Variants in KANSL1 observed in about 807,000 individuals in gnomAD.
KANSL1 encodes MLL1/MLL complex subunit KANSL1.
A neutral mutation model predicts 103.6 loss-of-function variants in KANSL1; 22 were observed. The observed-to-expected ratio is 0.21, with a 90% confidence interval of 0.15 to 0.30. The LOEUF is 0.30. Ranked by LOEUF, KANSL1 falls within the 10% of genes least tolerant of loss-of-function variation. The probability of loss-of-function intolerance (pLI) is 1.00; values close to 1 mark genes in which losing one functional copy is unlikely to be tolerated. For missense variants in KANSL1, 1,337 were observed against 1,399.8 expected (o/e 0.96, Z 0.72); for synonymous variants, 600 against 527.6 (o/e 1.14, Z -1.88).
At chr17:46,199,025 G>C (rs1307904070) in intron 1 of KANSL1, among the ~76,000 whole-genome samples, 1 of 152,114 alleles carries the variant, frequency 6.6e-6, no homozygotes, top group Non-Finnish European at 1.5e-5. Context: ...TGAAACTGAG[G>C]CATGTTCTCA....
intron 2 of KANSL1, among the ~76,000 whole-genome samples, chr17:46,159,920 C>T (rs550769002): frequency 3.9e-5 from 6 of 152,230 alleles, no homozygotes; most frequent in Non-Finnish European, 8.8e-5. Context: ...TGTCCACCCA[C>T]GTACTGTGTG....
At chr17:46,165,535 C>A (rs2147668519) in intron 2 of KANSL1, among the ~76,000 whole-genome samples, 1 of 145,124 alleles carries the variant, frequency 6.9e-6, no homozygotes, top group Non-Finnish European at 1.5e-5. Flanking sequence ...TTTTGAGACA[C>A]AGTTTCACTC....
intron 3 of KANSL1, among the ~76,000 whole-genome samples, chr17:46,090,601 G>C (rs2079345507): frequency 6.6e-6 from 1 of 152,194 alleles, no homozygotes; most frequent in Non-Finnish European, 1.5e-5. Context: ...TGGTAGCAAA[G>C]CCACGATTAG....
intron 7 of KANSL1, chr17:46,046,008 T>G (rs1283629171): frequency 1.3e-5 from 2 of 152,200 alleles, no homozygotes; most frequent in Non-Finnish European, 2.9e-5. Context: ...CAAACATTCC[T>G]AAGTCTTCCT....
chr17:46,064,410 G>A (rs1004866377), intron 6 of KANSL1, among the ~76,000 whole-genome samples: 1 of 152,068 alleles, frequency 6.6e-6, no homozygotes, highest in Non-Finnish European at 1.5e-5. Context: ...CTCTTTTACA[G>A]CAACATTCTT....
chr17:46,081,652 A>G (rs1470477492), intron 4 of KANSL1, among the ~76,000 whole-genome samples: 2 of 152,238 alleles, frequency 1.3e-5, no homozygotes, highest in East Asian at 3.8e-4. Context: ...AATGATTAAA[A>G]TAAATAAAAG....
Position 46,034,010 on chromosome 17 carries a change from C to T in KANSL1, c.2666+151G>A, listed in dbSNP as rs1016121686. 7 of 968,798 alleles carry T rather than the reference C, an allele frequency of 7.2e-6. No homozygotes were observed. In the African/African-American group the frequency reaches 8.3e-5, roughly 11 times the overall value. The allele number at this position is 968,798 out of a possible 1,614,324, so 60.0% of individuals were successfully genotyped here. On this transcript the variant is annotated intron_variant, in intron 11 of 14. Coordinates refer to ENST00000432791, the MANE Select transcript of KANSL1 (RefSeq NM_015443.4). Reference sequence around the variant, plus strand: ...TAATGGAATGAGAGAGAACTATATACAGAAATAATTTCGTTCTTATCAGAT... The same window carrying T: ...TAATGGAATGAGAGAGAACTATATATAGAAATAATTTCGTTCTTATCAGAT...
chr17:46,039,770 G>A lies in KANSL1; in HGVS notation c.2135C>T (p.Pro712Leu), dbSNP rs549189483. ...ACGAGCTGAATCTGGCAGACTGCCCGGCATGGGTGCTCTGTGCTTAAGCGA... is the reference window on the plus strand; with the variant it reads ...ACGAGCTGAATCTGGCAGACTGCCCAGCATGGGTGCTCTGTGCTTAAGCGA... ...KLSLKHRAPM[P>L]GSLPDSARKD... Residue 712 changes from proline (P) to leucine (L), a missense_variant, in exon 8 of 15, where the codon CCG becomes CTG. Coordinates refer to ENST00000432791, the MANE Select transcript of KANSL1 (RefSeq NM_015443.4). 40 of 1,614,182 alleles carry A rather than the reference G, an allele frequency of 2.5e-5. No individual in the cohort carries two copies. The highest frequency in any genetic ancestry group is 3.3e-5 in the Admixed American group (2 of 60,028).
intron 7 of KANSL1, among the ~76,000 whole-genome samples, chr17:46,047,819 C>A (rs11658967): frequency 0.11 from 14,340 of 135,860 alleles, 1,045 homozygotes; most frequent in Non-Finnish European, 0.16. Flanking sequence ...AAAAAAAAAA[C>A]AAAAAAAAAA....
At chr17:46,153,874 A>G (rs1228191303) in intron 2 of KANSL1, among the ~76,000 whole-genome samples, 2 of 152,252 alleles carry the variant, frequency 1.3e-5, no homozygotes, top group African/African-American at 2.4e-5. Context: ...AGAGTGAAAA[A>G]GTTGAACAGC....
In KANSL1 at chr17:46,031,505, C is replaced by G. The variant is rs2077005160; in HGVS notation, c.3289G>C (p.Ala1097Pro). 1 of 1,613,098 alleles carries G rather than the reference C, an allele frequency of 6.2e-7. No individual in the cohort carries two copies. Among genetic ancestry groups the G allele is most frequent in the Admixed American group, 1.7e-5 (1 of 59,966 alleles). Reference sequence around the variant, plus strand: ...CTGTGAGTCGGGCGCTGAGCTGTGGCTGCTGCCACCAGATGCCGACTCTTG... The same window carrying G: ...CTGTGAGTCGGGCGCTGAGCTGTGGGTGCTGCCACCAGATGCCGACTCTTG... Reference protein sequence around the residue: ...PLKSRHLVAAATAQRPTHR With the variant: ...PLKSRHLVAAPTAQRPTHR The change falls in exon 15 of 15, where the codon GCC becomes CCC. Residue 1097 changes from alanine (A) to proline (P), a missense_variant. Physicochemically the swap from Ala to Pro is conservative, Grantham distance 27. Transcript: ENST00000432791.
At chr17:46,100,440 T>TCC (rs144244381) in intron 2 of KANSL1, among the ~76,000 whole-genome samples, 3,016 of 106,890 alleles carry the variant, frequency 0.028, 125 homozygotes, top group African/African-American at 0.11. Context: ...AGACTCCCTC[T>TCC]CCCCAAAAAA....
chr17:46,185,005 A>C (rs1328131689), intron 1 of KANSL1, among the ~76,000 whole-genome samples: 1 of 151,922 alleles, frequency 6.6e-6, no homozygotes, highest in Non-Finnish European at 1.5e-5. Flanking sequence ...ACATCTAGCT[A>C]ATTTTTTGTC....
chr17:46,137,128 A>G (rs750597462), intron 2 of KANSL1, among the ~76,000 whole-genome samples: 1 of 152,206 alleles, frequency 6.6e-6, no homozygotes, highest in African/African-American at 2.4e-5. Flanking sequence ...AAAATTGTTT[A>G]TCTCTTCCAG....
intron 2 of KANSL1, among the ~76,000 whole-genome samples, chr17:46,163,902 C>G (rs1758031284): frequency 6.6e-6 from 1 of 152,250 alleles, no homozygotes; most frequent in Non-Finnish European, 1.5e-5. Context: ...CTTGTCTTCT[C>G]TGTGTGCCCT....
At chr17:46,066,865 G>GAA in intron 5 of KANSL1, 133 bp from the exon 6 acceptor site, 1 of 640,270 alleles carries the variant, frequency 1.6e-6, no homozygotes, top group Non-Finnish European at 2.7e-6. Context: ...ACACAAAGAA[G>GAA]CATTCTAGAG....
chr17:46,142,868 CTCTT>C (rs1370482953), intron 2 of KANSL1, among the ~76,000 whole-genome samples: 1 of 152,202 alleles, frequency 6.6e-6, no homozygotes, highest in Non-Finnish European at 1.5e-5. Flanking sequence ...TGTTCACACT[CTCTT>C]TTATTCTTAG....
chr17:46,140,117 C>CACATAT (rs1223643929), intron 2 of KANSL1, among the ~76,000 whole-genome samples: 2 of 152,174 alleles, frequency 1.3e-5, no homozygotes. Flanking sequence ...CTCTGGTGTG[C>CACATAT]ACATATACAC....
chr17:46,197,431 C>T (rs1174801447), upstream of KANSL1, among the ~76,000 whole-genome samples: 1 of 152,212 alleles, frequency 6.6e-6, no homozygotes, highest in South Asian at 2.1e-4. Context: ...TCACCTGAGG[C>T]CAGGAATTCG....
Sources: gnomAD v4.1 joint callset for allele counts (sites outside exome capture counted in the v4.1 genomes callset) on GRCh38, gnomAD v4.1.1 for gene constraint, MANE v1.5 for transcripts, NCBI Gene and HGNC (gene_info 2026-07-23, HGNC 2026-07-21) for gene names.